The following PCLO variants were observed in gnomAD, a reference collection of about 807,000 sequenced individuals.
The protein encoded by PCLO is piccolo presynaptic cytomatrix protein, also known as protein piccolo.
A neutral mutation model predicts 427.5 loss-of-function variants in PCLO; 82 were observed. The ratio of observed to expected loss-of-function variants is 0.19; its 90% CI spans 0.16 to 0.23. The LOEUF (loss-of-function observed/expected upper bound fraction) is 0.23, where lower values mean the gene tolerates loss of function less well. PCLO is among the 10% of genes least tolerant of loss of function. The pLI is 1.00. For missense variants in PCLO, 6,239 were observed against 6,115.9 expected, an observed-to-expected ratio of 1.02 and a Z score of -0.67; for synonymous variants, 2,357 against 2,155.4, an observed-to-expected ratio of 1.09 and a Z score of -2.59.
intron 10 of PCLO, among the ~76,000 whole-genome samples, chr7:82,865,396 G>C (rs2115943082): frequency 6.6e-6 from 1 of 152,238 alleles, no homozygotes; most frequent in African/African-American, 2.4e-5. Context: ...GCTGAGGCAG[G>C]AGAATCACTT....
chr7:83,111,631 C>T (rs1434363378), intron 3 of PCLO, among the ~76,000 whole-genome samples: 2 of 152,144 alleles, frequency 1.3e-5, no homozygotes, highest in South Asian at 2.1e-4. Flanking sequence ...CTAATTCTGC[C>T]AACAACCTGA....
Position 82,999,492 on chromosome 7 carries a change from T to TATATATAATATTATATTAAAATATAAA in PCLO, c.3301-33032_3301-33006dup, listed in dbSNP as rs1562908870. ...ATATATCCATTATTATAAAATATAA[T>TATATATAATATTATATTAAAATATAAA]ATATATAATATTATATTAAAATATA... On this transcript the variant is annotated intron_variant, in intron 3 of 24. Transcript: ENST00000333891. 1.1e-4 allele frequency among the ~76,000 whole-genome samples: 2 copies of TATATATAATATTATATTAAAATATAAA among 18,700 alleles called. 1 individual carries two copies. Among genetic ancestry groups the TATATATAATATTATATTAAAATATAAA allele is most frequent in the Non-Finnish European group, 1.4e-4 (2 of 14,040 alleles). 12.3% of individuals were successfully genotyped at this position (18,700 alleles called of 152,430 possible).
At chr7:83,130,975 A>T (rs1791557171) in intron 3 of PCLO, among the ~76,000 whole-genome samples, 1 of 152,214 alleles carries the variant, frequency 6.6e-6, no homozygotes, top group African/African-American at 2.4e-5. Flanking sequence ...AGCTTAGAAA[A>T]GGGTGCTATC....
At chr7:83,031,224 C>T (rs757433323) in intron 3 of PCLO, among the ~76,000 whole-genome samples, 3 of 152,102 alleles carry the variant, frequency 2.0e-5, no homozygotes, top group Non-Finnish European at 2.9e-5. Flanking sequence ...TAACAATTTC[C>T]GATCAGTTCA....
chr7:83,124,057 T>TTTGTA (rs1791359176), intron 3 of PCLO, among the ~76,000 whole-genome samples: 1 of 143,730 alleles, frequency 7.0e-6, no homozygotes, highest in African/African-American at 2.6e-5. Flanking sequence ...ACCTGTAATC[T>TTTGTA]CAGTACTTCA....
At chr7:83,047,333 T>C (rs1156528189) in intron 3 of PCLO, among the ~76,000 whole-genome samples, 1 of 152,022 alleles carries the variant, frequency 6.6e-6, no homozygotes, top group Non-Finnish European at 1.5e-5. Flanking sequence ...TCAAAAAAGA[T>C]GTATGATTAA....
chr7:83,129,205 A>G (rs1436839343), intron 3 of PCLO, among the ~76,000 whole-genome samples: 12 of 152,192 alleles, frequency 7.9e-5, no homozygotes, highest in Admixed American at 7.2e-4. Flanking sequence ...AATAAAACCT[A>G]TCCCACAGGG....
chr7:82,869,457 C>T (rs929832389), intron 10 of PCLO, among the ~76,000 whole-genome samples: 1 of 152,006 alleles, frequency 6.6e-6, no homozygotes, highest in Non-Finnish European at 1.5e-5. Context: ...CAAATCTCAA[C>T]AGAGATTGTC....
At chr7:83,138,913 C>T (rs1207828530) in intron 2 of PCLO, among the ~76,000 whole-genome samples, 8 of 151,656 alleles carry the variant, frequency 5.3e-5, no homozygotes, top group Middle Eastern at 3.4e-3. Context: ...CACCATGGCA[C>T]GTGTATATCT....
chr7:83,150,000 A>T (rs1196546667), intron 2 of PCLO, among the ~76,000 whole-genome samples: 1 of 152,222 alleles, frequency 6.6e-6, no homozygotes, highest in Non-Finnish European at 1.5e-5. Flanking sequence ...ACTAAAAAAA[A>T]AATGGCGAGA....
At chr7:82,776,905 C>T (rs987989991) in intron 22 of PCLO, among the ~76,000 whole-genome samples, 80 of 144,168 alleles carry the variant, frequency 5.5e-4, no homozygotes, top group African/African-American at 1.6e-3. Context: ...TATAGATATA[C>T]GCACACACAC....
chr7:82,754,369 T>C lies in PCLO; in HGVS notation c.*4206A>G, dbSNP rs1365784810. On this transcript the variant is annotated 3_prime_UTR_variant, in exon 25 of 25. Coordinates refer to ENST00000333891, the MANE Select transcript of PCLO (RefSeq NM_033026.6). Reference sequence around the variant, plus strand: ...ACTTTAGTTTTTATTTCAAAATCAGTTTTATTAAGATGTTTATGTTTTCAG... The same window carrying C: ...ACTTTAGTTTTTATTTCAAAATCAGCTTTATTAAGATGTTTATGTTTTCAG... 5 of 152,104 alleles carry C rather than the reference T, an allele frequency of 3.3e-5. No individual in the cohort carries two copies. The highest frequency in any genetic ancestry group is 5.9e-5 in the Non-Finnish European group (4 of 67,974). 9.4% of individuals were successfully genotyped at this position (152,104 alleles called of 1,614,324 possible).
intron 3 of PCLO, among the ~76,000 whole-genome samples, chr7:83,082,887 A>G (rs1790137862): frequency 6.6e-6 from 1 of 151,836 alleles, no homozygotes; most frequent in Non-Finnish European, 1.5e-5. Context: ...TATAAAGTAT[A>G]TAAAACTACA....
chr7:83,023,775 C>T (rs1026322418), intron 3 of PCLO, among the ~76,000 whole-genome samples: 3 of 152,088 alleles, frequency 2.0e-5, no homozygotes, highest in African/African-American at 7.2e-5. Flanking sequence ...ATGTCTTATG[C>T]CCACCACAGT....
intron 3 of PCLO, among the ~76,000 whole-genome samples, chr7:83,008,804 ATGAC>A (rs1226794103): frequency 1.3e-5 from 2 of 151,684 alleles, no homozygotes; most frequent in Non-Finnish European, 3.0e-5. Flanking sequence ...ATAGACAAAA[ATGAC>A]TGGTTAAAAT....
At chr7:82,853,358 C>T (rs35791224) in intron 10 of PCLO, among the ~76,000 whole-genome samples, 25,985 of 151,902 alleles carry the variant, frequency 0.17, 2,598 homozygotes, top group Middle Eastern at 0.22. Context: ...CTTAGACACA[C>T]TCTGTTTCCC....
chr7:82,767,099 C>G (rs1430873676), intron 22 of PCLO, among the ~76,000 whole-genome samples: 1 of 151,974 alleles, frequency 6.6e-6, no homozygotes, highest in Non-Finnish European at 1.5e-5. Context: ...GGCAGCAGCT[C>G]CAGATCTGCT....
intron 6 of PCLO, among the ~76,000 whole-genome samples, chr7:82,925,169 A>T (rs1357933011): frequency 6.6e-6 from 1 of 152,084 alleles, no homozygotes; most frequent in African/African-American, 2.4e-5. Flanking sequence ...CTGGCCATTC[A>T]TTCTTTTTAG....
At chr7:82,905,847 T>C (rs1397425748) in intron 8 of PCLO, among the ~76,000 whole-genome samples, 2 of 152,020 alleles carry the variant, frequency 1.3e-5, no homozygotes, top group African/African-American at 2.4e-5. Flanking sequence ...GATTTTATAA[T>C]AGTCAAGAAG....
Sources: allele counts gnomAD v4.1 joint callset (sites outside exome capture counted in the v4.1 genomes callset), GRCh38; gene constraint gnomAD v4.1.1; transcripts MANE v1.5; gene names NCBI Gene and HGNC (gene_info 2026-07-23, HGNC 2026-07-21).